The following GCNT2 variants were observed in gnomAD, a reference collection of about 807,000 sequenced individuals.
GCNT2 encodes the protein glucosaminyl (N-acetyl) transferase 2 (I blood group).
GCNT2 carries 34 observed loss-of-function variants against 34.2 expected under a neutral mutation model. The ratio of observed to expected loss-of-function variants is 1.00; its 90% CI spans 0.76 to 1.32. The LOEUF (loss-of-function observed/expected upper bound fraction) is 1.32. Among genes scored for constraint, GCNT2 ranks in the 40% most tolerant of loss-of-function variants. The pLI, the probability that GCNT2 is intolerant of heterozygous loss-of-function variation, is 0.00. For missense variants in GCNT2, 584 were observed against 489.4 expected (o/e 1.19, Z -1.82); for synonymous variants, 212 against 188.0 (o/e 1.13, Z -1.04).
At chr6:10,586,031 C>T in intron 3 of GCNT2, 1 of 1,614,174 alleles carries the variant, frequency 6.2e-7, no homozygotes, top group Non-Finnish European at 8.5e-7. Context: ...TCACTCTGCT[C>T]AGCGTGGTCA....
intron 3 of GCNT2, among the ~76,000 whole-genome samples, chr6:10,596,403 C>T (rs1764854505): frequency 1.3e-5 from 2 of 152,134 alleles, no homozygotes; most frequent in African/African-American, 4.8e-5. Flanking sequence ...TGCCTGTAAT[C>T]CCAGCCACTC....
At chr6:10,567,272 C>T (rs1330769090) in intron 3 of GCNT2, among the ~76,000 whole-genome samples, 2 of 152,110 alleles carry the variant, frequency 1.3e-5, no homozygotes, top group East Asian at 1.9e-4. Flanking sequence ...CCAGCCTGGG[C>T]AACACAGTGA....
intron 4 of GCNT2, among the ~76,000 whole-genome samples, chr6:10,625,128 A>C (rs186170770): frequency 1.9e-4 from 29 of 152,002 alleles, no homozygotes; most frequent in African/African-American, 6.3e-4. Context: ...ATTAATCACC[A>C]TGTTCTATCT....
chr6:10,606,934 T>A (rs1765348004), intron 3 of GCNT2, among the ~76,000 whole-genome samples: 1 of 151,896 alleles, frequency 6.6e-6, no homozygotes, highest in South Asian at 2.1e-4. Context: ...AGGTAATTTA[T>A]TTATTATTTA....
chr6:10,556,090 T>G lies in GCNT2; in HGVS notation c.925+26254T>G. ...AGAAAGAGATATGGGAAACTAAATC[T>G]GCCGGGGGAAAGAGAGTTACCGGAG... On this transcript the variant is annotated intron_variant, in intron 3 of 4. Coordinates refer to ENST00000495262, the MANE Select transcript of GCNT2 (RefSeq NM_145649.5). 5.8e-6 allele frequency: 7 copies of G among 1,212,586 alleles called. No individual in the cohort carries two copies. In the South Asian group the frequency reaches 8.9e-5, roughly 15 times the overall value. The allele number at this position is 1,212,586 out of a possible 1,614,324, so 75.1% of individuals were successfully genotyped here.
chr6:10,597,970 T>TA (rs1193257535), intron 3 of GCNT2, among the ~76,000 whole-genome samples: 1 of 152,218 alleles, frequency 6.6e-6, no homozygotes, highest in African/African-American at 2.4e-5. Context: ...GCTAGTGACT[T>TA]AGATACCCAC....
At chr6:10,548,422 G>A (rs991713593) in intron 3 of GCNT2, among the ~76,000 whole-genome samples, 1 of 152,136 alleles carries the variant, frequency 6.6e-6, no homozygotes, top group Non-Finnish European at 1.5e-5. Flanking sequence ...CAGGTCTTGG[G>A]TCAGCCATTG....
intron 1 of GCNT2, among the ~76,000 whole-genome samples, chr6:10,524,574 C>G (rs2113478530): frequency 6.6e-6 from 1 of 152,214 alleles, no homozygotes; most frequent in Admixed American, 6.5e-5. Flanking sequence ...GAGGATAAAG[C>G]AGGGTACCGA....
rs573212852 is a variant in GCNT2, at chr6:10,540,756, T to C, written c.925+10920T>C. Among the ~76,000 whole-genome samples, 5 of 152,288 alleles carry C rather than the reference T, an allele frequency of 3.3e-5. No individual in the cohort carries two copies. In the East Asian group the frequency reaches 9.7e-4, roughly 29 times the overall value. On this transcript the variant is annotated intron_variant, in intron 3 of 4. Coordinates refer to ENST00000495262, the MANE Select transcript of GCNT2 (RefSeq NM_145649.5). ...CCTTCAGCATTACAGGAAGTTTATTTTCTGATTTTTCAATTCTAGCTCAGC... is the reference window on the plus strand; with the variant it reads ...CCTTCAGCATTACAGGAAGTTTATTCTCTGATTTTTCAATTCTAGCTCAGC...
intron 3 of GCNT2, among the ~76,000 whole-genome samples, chr6:10,543,216 T>A (rs192125522): frequency 0.011 from 1,604 of 151,238 alleles, 28 homozygotes; most frequent in African/African-American, 0.037. Context: ...CCCTTTTTTT[T>A]AAATTGAGAC....
At chr6:10,617,898 G>A (rs1765862538) in intron 3 of GCNT2, among the ~76,000 whole-genome samples, 1 of 151,894 alleles carries the variant, frequency 6.6e-6, no homozygotes, top group African/African-American at 2.4e-5. Context: ...GAGACTACAG[G>A]TGCGTGCCAT....
chr6:10,609,284 A>G (rs1765453270), intron 3 of GCNT2, among the ~76,000 whole-genome samples: 1 of 152,210 alleles, frequency 6.6e-6, no homozygotes, highest in African/African-American at 2.4e-5. Flanking sequence ...TTCATGCTGC[A>G]TCATCTCATG....
chr6:10,563,737 A>C (rs1244493389), intron 3 of GCNT2, among the ~76,000 whole-genome samples: 2 of 128,866 alleles, frequency 1.6e-5, no homozygotes, highest in Non-Finnish European at 3.2e-5. Context: ...GTGAGACTCC[A>C]TCTCAAAAAA....
At chr6:10,529,899 T>C in intron 3 of GCNT2, 63 bp downstream of exon 3, 1 of 1,322,128 alleles carries the variant, frequency 7.6e-7, no homozygotes, top group East Asian at 2.3e-5. Context: ...ACTAAATAAG[T>C]TGCTTTGAAA....
chr6:10,562,271 C>G (rs1307231149), intron 3 of GCNT2, among the ~76,000 whole-genome samples: 1 of 152,196 alleles, frequency 6.6e-6, no homozygotes, highest in Admixed American at 6.5e-5. Flanking sequence ...TCTGTGCTGG[C>G]TTCCATCAGG....
intron 3 of GCNT2, among the ~76,000 whole-genome samples, chr6:10,559,585 G>T (rs1479626644): frequency 2.0e-5 from 3 of 152,252 alleles, no homozygotes; most frequent in Admixed American, 1.3e-4. Flanking sequence ...CACGCTGCTA[G>T]TGGGAATCTA....
chr6:10,581,788 C>G, intron 3 of GCNT2: 2 of 985,142 alleles, frequency 2.0e-6, no homozygotes, highest in Non-Finnish European at 2.4e-6. Flanking sequence ...TCTTTTCTCA[C>G]TCCAACTTTC....
At chr6:10,595,431 C>T (rs1334029186) in intron 3 of GCNT2, among the ~76,000 whole-genome samples, 1 of 152,038 alleles carries the variant, frequency 6.6e-6, no homozygotes, top group East Asian at 1.9e-4. Context: ...GTGCCCGCCA[C>T]CACACCCAGC....
chr6:10,605,677 C>T (rs936450160), intron 3 of GCNT2, among the ~76,000 whole-genome samples: 1 of 152,058 alleles, frequency 6.6e-6, no homozygotes, highest in Non-Finnish European at 1.5e-5. Flanking sequence ...AAGCTAGCGT[C>T]AGGGATAAAA....
Sources: allele counts gnomAD v4.1 joint callset (sites outside exome capture counted in the v4.1 genomes callset), GRCh38; gene constraint gnomAD v4.1.1; transcripts MANE v1.5; gene names NCBI Gene and HGNC (gene_info 2026-07-23, HGNC 2026-07-21).